Variants in CORO2B observed in about 807,000 individuals in gnomAD.
CORO2B encodes the protein coronin-2B.
CORO2B carries 26 observed loss-of-function variants against 58.8 expected under a neutral mutation model. That is an observed-to-expected ratio of 0.44 (90% CI 0.32 to 0.61). The LOEUF (loss-of-function observed/expected upper bound fraction) is 0.61. Ranked by LOEUF, CORO2B falls within the 20% of genes least tolerant of loss-of-function variation. The pLI, the probability that CORO2B is intolerant of heterozygous loss-of-function variation, is 0.04. For synonymous variants in CORO2B, 242 were observed against 253.8 expected (o/e 0.95, Z 0.44); for missense variants, 460 against 645.1 (o/e 0.71, Z 3.11).
At chr15:68,553,713 C>T in the CORO2B span, among the ~76,000 whole-genome samples, 8 of 152,228 alleles carry the variant, frequency 5.3e-5, no homozygotes, top group Non-Finnish European at 1.0e-4. Context: ...GGAGCAGAGG[C>T]ATCAGCCTAG....
At chr15:68,630,606 A>G (rs1000497917) in intron 1 of CORO2B, among the ~76,000 whole-genome samples, 11 of 152,084 alleles carry the variant, frequency 7.2e-5, no homozygotes, top group African/African-American at 2.7e-4. Context: ...CTTTATTTCC[A>G]TCAGTTGGAA....
intron 2 of CORO2B, among the ~76,000 whole-genome samples, chr15:68,679,422 T>G (rs1434881291): frequency 6.6e-6 from 1 of 152,184 alleles, no homozygotes; most frequent in African/African-American, 2.4e-5. Flanking sequence ...AAGCTCACCC[T>G]TGGTGAGGGT....
At chr15:68,625,875 G>A (rs575348586) in intron 1 of CORO2B, among the ~76,000 whole-genome samples, 52 of 152,268 alleles carry the variant, frequency 3.4e-4, no homozygotes, top group Middle Eastern at 6.8e-3. Context: ...AAAATGCTGG[G>A]ATTACAGGCA....
At chr15:68,536,274 T>C in the CORO2B span, among the ~76,000 whole-genome samples, 1 of 152,344 alleles carries the variant, frequency 6.6e-6, no homozygotes, top group East Asian at 1.9e-4. Context: ...AGTTTGGAAC[T>C]TGTTCTTTAG....
At chr15:68,609,626 C>T (rs1202185715) in intron 1 of CORO2B, among the ~76,000 whole-genome samples, 2 of 152,176 alleles carry the variant, frequency 1.3e-5, no homozygotes, top group African/African-American at 4.8e-5. Context: ...GCTGGTCTCC[C>T]AGCTCCTTCC....
chr15:68,606,273 G>A (rs977151686), intron 1 of CORO2B, among the ~76,000 whole-genome samples: 4 of 152,136 alleles, frequency 2.6e-5, no homozygotes, highest in Admixed American at 6.5e-5. Context: ...ATGACCTCAG[G>A]CAAAGGGAGT....
At chr15:68,579,968 C>T (rs1899386193) in intron 1 of CORO2B, among the ~76,000 whole-genome samples, 1 of 152,144 alleles carries the variant, frequency 6.6e-6, no homozygotes. Context: ...CAGGGGCTTC[C>T]TAGTTGTAGG....
intron 2 of CORO2B, among the ~76,000 whole-genome samples, chr15:68,681,180 T>C (rs1902766905): frequency 6.6e-6 from 1 of 152,112 alleles, no homozygotes; most frequent in South Asian, 2.1e-4. Flanking sequence ...GCCATTGCAC[T>C]CTAGCCTGGG....
the CORO2B span, among the ~76,000 whole-genome samples, chr15:68,518,992 G>A: frequency 3.3e-5 from 5 of 152,132 alleles, no homozygotes; most frequent in African/African-American, 4.8e-5. Context: ...TTCCAGGCCC[G>A]AACCTGTACA....
At chr15:68,672,848 G>T (rs1902448945) in intron 2 of CORO2B, among the ~76,000 whole-genome samples, 1 of 152,176 alleles carries the variant, frequency 6.6e-6, no homozygotes, top group African/African-American at 2.4e-5. Flanking sequence ...AGTGGCCAGG[G>T]ACTGCAGGTG....
At chr15:68,564,579 C>T in the CORO2B span, among the ~76,000 whole-genome samples, 7 of 152,152 alleles carry the variant, frequency 4.6e-5, no homozygotes, top group South Asian at 2.1e-4. Context: ...CCTACAGTGC[C>T]GGGATTACAG....
chr15:68,579,405 T>A, intron 1 of CORO2B, 128 bp downstream of exon 1: 1 of 952,598 alleles, frequency 1.0e-6, no homozygotes, highest in Non-Finnish European at 1.3e-6. Context: ...GGCGCGCGCC[T>A]CTCTTGCTGC....
intron 1 of CORO2B, among the ~76,000 whole-genome samples, chr15:68,642,798 G>A (rs1218719823): frequency 6.6e-6 from 1 of 152,196 alleles, no homozygotes; most frequent in African/African-American, 2.4e-5. Context: ...GTAGATCAGA[G>A]TGAGTCAGGC....
rs533093687 is a variant in CORO2B, at chr15:68,696,270, C to T, written c.333+1014C>T. Among the ~76,000 whole-genome samples, 43 of 149,572 alleles carry T rather than the reference C, an allele frequency of 2.9e-4. No homozygotes were observed. The East Asian group carries it at 7.0e-3, about 24-fold the overall frequency. ...GTCTCAAAAAAAAAAAAAAAGAGTT[C>T]GAGCATGGTGGCACATGCCTGTAAT... On this transcript the variant is annotated intron_variant, in intron 3 of 11. Coordinates refer to ENST00000261861, the MANE Select transcript of CORO2B (RefSeq NM_006091.5).
chr15:68,686,886 C>T (rs990187185), intron 2 of CORO2B, among the ~76,000 whole-genome samples: 2 of 148,136 alleles, frequency 1.4e-5, no homozygotes, highest in African/African-American at 2.5e-5. Flanking sequence ...GCAACAAGAG[C>T]GAAACTCCGT....
chr15:68,707,089 T>C (rs888240799), intron 3 of CORO2B, among the ~76,000 whole-genome samples: 2 of 152,116 alleles, frequency 1.3e-5, no homozygotes, highest in Admixed American at 6.5e-5. Context: ...GCCTCCTGAG[T>C]AGCTGGGATT....
At chr15:68,559,596 G>A in the CORO2B span, 3 of 985,220 alleles carry the variant, frequency 3.0e-6, no homozygotes, top group African/African-American at 5.2e-5. The surrounding 1 kb of genome is among the most constrained non-coding windows in gnomAD (Gnocchi z 4.3). Context: ...GGGAGCAGAC[G>A]GAACAAGCGT....
At chr15:68,685,188 C>T (rs1468682097) in intron 2 of CORO2B, among the ~76,000 whole-genome samples, 2 of 152,156 alleles carry the variant, frequency 1.3e-5, no homozygotes, top group African/African-American at 4.8e-5. Context: ...TACAAATAAG[C>T]CTGTATTAAA....
At chr15:68,714,689 G>C in intron 7 of CORO2B, 26 bp downstream of exon 7, 5 of 1,578,974 alleles carry the variant, frequency 3.2e-6, no homozygotes, top group Non-Finnish European at 4.4e-6. Context: ...GGAGGGCCCG[G>C]GGCAGCCTGT....
Sources: allele counts gnomAD v4.1 joint callset (sites outside exome capture counted in the v4.1 genomes callset), GRCh38; gene constraint gnomAD v4.1.1; non-coding constraint Gnocchi (gnomAD v3.1); transcripts MANE v1.5; gene names NCBI Gene and HGNC (gene_info 2026-07-23, HGNC 2026-07-21).